SLC13A1: variants seen among roughly 807,000 people sequenced by gnomAD.
SLC13A1 encodes Na(+)/sulfate cotransporter.
A neutral mutation model predicts 70.0 loss-of-function variants in SLC13A1; 65 were observed. The observed-to-expected ratio is 0.93, with a 90% CI of 0.76 to 1.14. SLC13A1 has a LOEUF of 1.14. Ranked by LOEUF, SLC13A1 falls within the 50% of genes most tolerant of loss-of-function variation. The probability of loss-of-function intolerance (pLI) is 0.00; values close to 1 mark genes in which losing one functional copy is unlikely to be tolerated. For synonymous variants in SLC13A1, 275 were observed against 250.5 expected (o/e 1.10, Z -0.92); for missense variants, 726 against 717.8 (o/e 1.01, Z -0.13).
intron 7 of SLC13A1, among the ~76,000 whole-genome samples, chr7:123,141,098 A>G (rs183850875): frequency 2.6e-4 from 39 of 151,648 alleles, no homozygotes; most frequent in African/African-American, 8.9e-4. Context: ...ATAGATTTTG[A>G]TATGTTGTGT....
Position 123,168,420 on chromosome 7 carries a change from T to C in SLC13A1, c.614A>G (p.Tyr205Cys), listed in dbSNP as rs28364231. Residue 205 changes from tyrosine to cysteine, a missense_variant and splice_region_variant, in exon 6 of 15, where the codon TAC becomes TGC. Transcript: ENST00000194130. ...TGAAATTTTCCCTGTATCATTATTG[T>C]ATCTGAAAAATACATTGATCCAGTT... is the stretch of plus-strand genomic sequence containing the variant. ...RKEKTKPVPG[Y>C]NNDTGKISSK... 9.0e-4 allele frequency: 1,431 copies of C among 1,595,090 alleles called. 17 individuals carry two copies. In the African/African-American group the frequency reaches 0.017, roughly 19 times the overall value.
intron 2 of SLC13A1, among the ~76,000 whole-genome samples, chr7:123,172,777 A>G (rs11980308): frequency 0.05 from 7,653 of 152,172 alleles, 617 homozygotes; most frequent in African/African-American, 0.17. Context: ...TTTGAAATAC[A>G]TTTAGGTACA....
chr7:123,173,448 T>C (rs1344918493), intron 2 of SLC13A1, among the ~76,000 whole-genome samples: 1 of 152,182 alleles, frequency 6.6e-6, no homozygotes, highest in Non-Finnish European at 1.5e-5. Flanking sequence ...TTATTACTCA[T>C]TGAAAAATTA....
chr7:123,166,384 AG>A (rs1248575033), intron 6 of SLC13A1, among the ~76,000 whole-genome samples: 1 of 113,934 alleles, frequency 8.8e-6, no homozygotes, highest in East Asian at 2.7e-4. Flanking sequence ...CAGCTTTTAA[AG>A]CCCATTTCTT....
chr7:123,130,989 G>GA (rs1793738099), intron 8 of SLC13A1, among the ~76,000 whole-genome samples: 1 of 152,100 alleles, frequency 6.6e-6, no homozygotes, highest in Non-Finnish European at 1.5e-5. Flanking sequence ...AGAACTAAAT[G>GA]AAAAAATGGC....
chr7:123,170,500 C>T (rs957936085), intron 3 of SLC13A1, among the ~76,000 whole-genome samples: 1 of 152,158 alleles, frequency 6.6e-6, no homozygotes, highest in Admixed American at 6.5e-5. Context: ...CTGTGAAGTG[C>T]ATTACATCAT....
intron 1 of SLC13A1, among the ~76,000 whole-genome samples, chr7:123,185,576 A>G (rs559249357): frequency 6.6e-6 from 1 of 152,066 alleles, no homozygotes; most frequent in African/African-American, 2.4e-5. Flanking sequence ...ACCTTTGCTG[A>G]AAATCAGTTG....
At chr7:123,119,952 A>G (rs1793319053) in intron 12 of SLC13A1, among the ~76,000 whole-genome samples, 1 of 151,976 alleles carries the variant, frequency 6.6e-6, no homozygotes, top group Non-Finnish European at 1.5e-5. Context: ...TAACTATCTC[A>G]TTATTTTGTT....
At chr7:123,179,166 C>CA (rs2116605460) in intron 2 of SLC13A1, among the ~76,000 whole-genome samples, 1 of 151,974 alleles carries the variant, frequency 6.6e-6, no homozygotes, top group East Asian at 1.9e-4. Context: ...CAAATTCAAG[C>CA]AACATTTTCA....
Position 123,160,751 on chromosome 7 carries a change from C to T in SLC13A1, c.660+7623G>A, listed in dbSNP as rs149298556. On this transcript the variant is annotated intron_variant, in intron 6 of 14. Coordinates refer to ENST00000194130, the MANE Select transcript of SLC13A1 (RefSeq NM_022444.4). ...TGTTATATAGACCACAGTTTCTGACCGCAGAAAAATTGTTAGAAAAAATTT... is the reference window on the plus strand; with the variant it reads ...TGTTATATAGACCACAGTTTCTGACTGCAGAAAAATTGTTAGAAAAAATTT... Among the ~76,000 whole-genome samples the T allele has an allele frequency of 7.4e-4, 113 of 151,946 alleles. 3 individuals are homozygous for T. Among genetic ancestry groups the T allele is most frequent in the African/African-American group, 2.6e-3 (108 of 41,442 alleles).
In SLC13A1 at chr7:123,125,618, A is replaced by G. The variant is rs2116291488; in HGVS notation, c.1191T>C (p.Phe397=). Residue 397 remains phenylalanine, a synonymous_variant, in exon 11 of 15, where the codon TTT becomes TTC. Coordinates refer to ENST00000194130, the MANE Select transcript of SLC13A1 (RefSeq NM_022444.4). ...TAGTCAGTGTCTTAGCTGGGATAAG[A>G]AAGAATAGCAGCCCTATAAGTAAAG... ...TVALLIGLLF[F]LIPAKTLTKT... is the part of the protein sequence containing the mutation. 6.2e-7 allele frequency: 1 copy of G among 1,613,510 alleles called. No individual in the cohort carries two copies. Among genetic ancestry groups the G allele is most frequent in the South Asian group, 1.1e-5 (1 of 91,042 alleles).
In SLC13A1 at chr7:123,115,588, A is replaced by G. The variant is rs536599511; in HGVS notation, c.1718T>C (p.Ile573Thr). The change falls in exon 15 of 15, where the codon ATT becomes ACT. Residue 573 changes from isoleucine to threonine, a missense_variant. Ile to Thr is a moderately conservative substitution (Grantham distance 89, BLOSUM62 -1). Transcript: ENST00000194130. ...AGTGTAGAGGTCAAACATGGGTACA[A>G]TCCAAGTACATATGCCAAGCATAAC... ...AVVMLGICTW[I>T]VPMFDLYTYP... The G allele has an allele frequency of 5.6e-6, 9 of 1,613,782 alleles. No individual in the cohort carries two copies. In the Admixed American group the frequency reaches 1.0e-4, roughly 18 times the overall value.
At chr7:123,117,409 C>G in intron 14 of SLC13A1, 62 bp downstream of exon 14, 1 of 1,525,508 alleles carries the variant, frequency 6.6e-7, no homozygotes, top group Non-Finnish European at 9.0e-7. Flanking sequence ...GAAGATAATT[C>G]AAGACATGGC....
At chr7:123,148,737 C>A (rs959790413) in intron 6 of SLC13A1, among the ~76,000 whole-genome samples, 5 of 152,088 alleles carry the variant, frequency 3.3e-5, no homozygotes, top group Non-Finnish European at 4.4e-5. Flanking sequence ...ATTCTCTTAT[C>A]CCCTAGATCA....
chr7:123,123,218 G>A lies in SLC13A1; in HGVS notation c.1258C>T (p.Pro420Ser). The change falls in exon 12 of 15, where the codon CCA becomes TCA. Residue 420 changes from proline to serine, a missense_variant. Pro to Ser is a moderately conservative substitution (Grantham distance 74). Coordinates refer to ENST00000194130, the MANE Select transcript of SLC13A1 (RefSeq NM_022444.4). Reference sequence around the variant, plus strand: ...TGGAATTCTTTCCAAGTAATCAGTGGAGAGTAATCAAAAGCAACTGCAAAA... The same window carrying A: ...TGGAATTCTTTCCAAGTAATCAGTGAAGAGTAATCAAAAGCAACTGCAAAA... ...TGEIVAFDYS[P>S]LITWKEFQSF... 1 of 1,612,750 alleles carries A rather than the reference G, an allele frequency of 6.2e-7. No homozygotes were observed. The highest frequency in any genetic ancestry group is 2.2e-5 in the East Asian group (1 of 44,850).
chr7:123,134,524 T>C lies in SLC13A1; in HGVS notation c.818A>G (p.Tyr273Cys). ...AAAGTTGAGGCAACGACAGTCAGGA[T>C]AGCGTCTGTGTGAAAACATGGAGAC... is the stretch of plus-strand genomic sequence containing the variant. ...LIFAEYFNTR[Y>C]PDCRCLNFGS... Residue 273 changes from tyrosine (Y) to cysteine (C), a missense_variant, in exon 8 of 15, where the codon TAT (tyrosine) becomes TGT (cysteine). Physicochemically the swap from Tyr to Cys is radical, Grantham distance 194. Coordinates refer to ENST00000194130, the MANE Select transcript of SLC13A1 (RefSeq NM_022444.4). 3 of 1,612,954 alleles carry C rather than the reference T, an allele frequency of 1.9e-6. No homozygotes were observed. Among genetic ancestry groups the C allele is most frequent in the Non-Finnish European group, 2.5e-6 (3 of 1,179,324 alleles).
At chr7:123,129,723 T>C (rs1297656183) in intron 8 of SLC13A1, among the ~76,000 whole-genome samples, 2 of 152,154 alleles carry the variant, frequency 1.3e-5, no homozygotes, top group African/African-American at 4.8e-5. Context: ...TCAATTTTCA[T>C]TGCATATTTT....
At chr7:123,133,117 T>C (rs1793823280) in intron 8 of SLC13A1, among the ~76,000 whole-genome samples, 1 of 152,180 alleles carries the variant, frequency 6.6e-6, no homozygotes, top group African/African-American at 2.4e-5. Context: ...GAAGGGATCT[T>C]ACTGATTTTC....
rs76126155 is a variant in SLC13A1, at chr7:123,158,769, G to T, written c.660+9605C>A. ...AAATAGAAAAAAAGAAAGCCAAAAG[G>T]CAGTAGAAATATATAAATATATTTC... On this transcript the variant is annotated intron_variant, in intron 6 of 14. Coordinates refer to ENST00000194130, the MANE Select transcript of SLC13A1 (RefSeq NM_022444.4). Among the ~76,000 whole-genome samples the T allele has an allele frequency of 9.6e-3, 1,454 of 151,786 alleles. 9 individuals carry two copies. The highest frequency in any genetic ancestry group is 0.021 in the African/African-American group (850 of 41,440).
Sources: allele counts gnomAD v4.1 joint callset (sites outside exome capture counted in the v4.1 genomes callset), GRCh38; gene constraint gnomAD v4.1.1; transcripts MANE v1.5; gene names NCBI Gene and HGNC (gene_info 2026-07-23, HGNC 2026-07-21).